Variants in ADAR observed in about 807,000 individuals in gnomAD.
The protein encoded by ADAR is adenosine deaminase RNA specific.
ADAR carries 41 observed loss-of-function variants against 113.2 expected under a neutral mutation model. The observed-to-expected ratio is 0.36, with a 90% CI of 0.28 to 0.47. ADAR has a LOEUF of 0.47. ADAR is among the 20% of genes least tolerant of loss of function. The pLI, the probability that ADAR is intolerant of heterozygous loss-of-function variation, is 1.00. For synonymous variants in ADAR, 605 were observed against 572.6 expected (o/e 1.06, Z -0.81); for missense variants, 1,242 against 1,540.9 (o/e 0.81, Z 3.25).
intron 1 of ADAR, among the ~76,000 whole-genome samples, chr1:154,607,542 A>C (rs1698274675): frequency 6.6e-6 from 1 of 151,004 alleles, no homozygotes; most frequent in South Asian, 2.1e-4. Flanking sequence ...AGGGGGTTCC[A>C]CAAGGGGCCC....
upstream of ADAR, chr1:154,608,213 C>T: frequency 1.7e-6 from 1 of 589,446 alleles, no homozygotes; most frequent in African/African-American, 2.0e-5. Flanking sequence ...CCTCGGAAAG[C>T]CTTCCCCTCC....
rs1305493428 is a variant in ADAR at position 154,585,785 on chromosome 1, G to A, written c.3283C>T (p.Leu1095=). Residue 1095 remains leucine (L), a synonymous_variant, in exon 13 of 15, where the codon CTA becomes TTA. Transcript: ENST00000368474. ...TRDGSAFEDG[L]RHPFIVNHPK... ...TGGTTGACAATAAAGGGATGTCGTA[G>A]TCCATCCTCAAATGCACTCCCATCT... 1.9e-6 allele frequency: 3 copies of A among 1,613,938 alleles called. No homozygotes were observed. Among genetic ancestry groups the A allele is most frequent in the African/African-American group, 2.7e-5 (2 of 75,050 alleles).
At chr1:154,585,512 C>CTGA in intron 13 of ADAR, 168 bp from the exon 14 acceptor site, 1 of 970,766 alleles carries the variant, frequency 1.0e-6, no homozygotes. Context: ...ATACTAACTC[C>CTGA]ACCTCGATTC....
rs1698324406 is a variant in ADAR at position 154,608,112 on chromosome 1, A to C, written c.-106T>G. The C allele has an allele frequency of 3.6e-6, 5 of 1,387,590 alleles. No individual in the cohort carries two copies. Among genetic ancestry groups the C allele is most frequent in the African/African-American group, 1.5e-5 (1 of 65,072 alleles). The allele number at this position is 1,387,590 out of a possible 1,614,324, so 86.0% of individuals were successfully genotyped here. A position where few individuals can be genotyped will look rare whatever the true frequency, so the allele number is the denominator to read the frequency against. The stretch of plus-strand genomic sequence containing the variant: ...GGCCCCCACGCCTCCGCTACTCCGC[A>C]CTGGAAGTGGCCCCGGGGCGTCGGC... On this transcript the variant is annotated 5_prime_UTR_variant, in exon 1 of 15. Coordinates refer to ENST00000368474, the MANE Select transcript of ADAR (RefSeq NM_001111.5).
intron 6 of ADAR, among the ~76,000 whole-genome samples, chr1:154,594,408 A>G (rs750811380): frequency 8.6e-5 from 13 of 152,000 alleles, no homozygotes; most frequent in African/African-American, 1.2e-4. Flanking sequence ...GACAATCTTC[A>G]CCTCTCCCCT....
chr1:154,596,227 A>T (rs1697485789), intron 6 of ADAR, among the ~76,000 whole-genome samples: 1 of 152,070 alleles, frequency 6.6e-6, no homozygotes, highest in South Asian at 2.1e-4. Flanking sequence ...CATTGAAATG[A>T]CTACTTTTTC....
chr1:154,607,139 C>A (rs1264469122), intron 1 of ADAR, among the ~76,000 whole-genome samples: 1 of 152,066 alleles, frequency 6.6e-6, no homozygotes, highest in East Asian at 1.9e-4. Flanking sequence ...CCCTGGCACC[C>A]ACGGATCCAC....
intron 1 of ADAR, among the ~76,000 whole-genome samples, chr1:154,604,536 G>T (rs1167909629): frequency 1.3e-5 from 2 of 152,136 alleles, no homozygotes; most frequent in Non-Finnish European, 2.9e-5. Context: ...ACCTCATTTG[G>T]GTCTTCGCTG....
intron 1 of ADAR, among the ~76,000 whole-genome samples, chr1:154,614,765 C>G (rs1698586354): frequency 6.6e-6 from 1 of 152,156 alleles, no homozygotes; most frequent in Non-Finnish European, 1.5e-5. Context: ...CTGCTGTCTC[C>G]CTGCTGCTGT....
At chr1:154,626,800 T>C (rs987679193) in intron 1 of ADAR, among the ~76,000 whole-genome samples, 2 of 152,252 alleles carry the variant, frequency 1.3e-5, no homozygotes, top group Non-Finnish European at 2.9e-5. Context: ...CCAAAGTTCA[T>C]GTCCCCTTTC....
chr1:154,589,007 G>C (rs1696948093), intron 9 of ADAR, among the ~76,000 whole-genome samples: 1 of 152,220 alleles, frequency 6.6e-6, no homozygotes, highest in Non-Finnish European at 1.5e-5. Flanking sequence ...AGAGGAGAAA[G>C]CTGGCAGGGG....
intron 2 of ADAR, chr1:154,600,781 C>A (rs1055959651): frequency 5.4e-6 from 3 of 559,280 alleles, no homozygotes; most frequent in Non-Finnish European, 9.5e-6. Context: ...CAAAACCAAT[C>A]ATTTCTAAAG....
At position 154,601,264 on chromosome 1, in the gene ADAR, G is replaced by C; in HGVS notation, c.1378C>G (p.Pro460Ala). The C allele has an allele frequency of 6.2e-7, 1 of 1,614,202 alleles. No individual in the cohort carries two copies. Among genetic ancestry groups the C allele is most frequent in the Non-Finnish European group, 8.5e-7 (1 of 1,180,034 alleles). The change falls in exon 2 of 15, where the codon CCA becomes GCA. Residue 460 changes from proline to alanine, a missense_variant. This residue lies in a region of ADAR where 780 missense variants were observed against 1,057.9 expected (regional missense o/e 0.74). Coordinates refer to ENST00000368474, the MANE Select transcript of ADAR (RefSeq NM_001111.5). The surrounding 1 kb of genome is among the most constrained non-coding windows in gnomAD (Gnocchi z 4.7). Reference protein sequence around the residue: ...ENGQWATDDIPDDLNSIRAAP... With the variant: ...ENGQWATDDIADDLNSIRAAP... ...GCGCGGATACTATTCAAGTCATCTG[G>C]GATGTCATCTGTGGCCCACTGGCCA...
intron 6 of ADAR, among the ~76,000 whole-genome samples, chr1:154,590,952 C>G (rs1697108760): frequency 6.6e-6 from 1 of 151,990 alleles, no homozygotes; most frequent in Non-Finnish European, 1.5e-5. Flanking sequence ...AGATCCCCAT[C>G]TCTAAAATAA....
At position 154,589,467 on chromosome 1, in the gene ADAR, G is replaced by A. The variant is rs1696977862; in HGVS notation, c.2669-5C>T. 6.2e-7 allele frequency: 1 copy of A among 1,609,514 alleles called. No individual in the cohort carries two copies. Among genetic ancestry groups the A allele is most frequent in the African/African-American group, 1.3e-5 (1 of 74,962 alleles). On this transcript the variant is annotated splice_region_variant and splice_polypyrimidine_tract_variant and intron_variant, in intron 8 of 14. Transcript: ENST00000368474. ...CTCCTTTCACACAGCGATTCCCTAG[G>A]AAGGTGTTTAAAACAGAAATAGAAT...
chr1:154,606,611 C>T (rs1698206093), intron 1 of ADAR, among the ~76,000 whole-genome samples: 1 of 152,056 alleles, frequency 6.6e-6, no homozygotes. Flanking sequence ...TTTTGCCCCC[C>T]TTAAATCCCC....
intron 6 of ADAR, 61 bp from the exon 7 acceptor site, chr1:154,590,470 G>A: frequency 6.4e-7 from 1 of 1,551,784 alleles, no homozygotes; most frequent in Middle Eastern, 1.7e-4. Context: ...TTCCAAGGAA[G>A]GGTTAGTTTT....
At chr1:154,585,621 T>TG (rs755848451) in intron 13 of ADAR, 132 bp downstream of exon 13, 4 of 922,506 alleles carry the variant, frequency 4.3e-6, no homozygotes, top group Non-Finnish European at 6.8e-6. Context: ...TGGGCCACTG[T>TG]GGGCAATGTT....
chr1:154,589,340 A>G, intron 9 of ADAR, 29 bp downstream of exon 9: 9 of 1,589,800 alleles, frequency 5.7e-6, no homozygotes, highest in Non-Finnish European at 7.8e-6. Context: ...ACAGCCGGGC[A>G]GCCGGGCCAC....
Sources: allele counts gnomAD v4.1 joint callset (sites outside exome capture counted in the v4.1 genomes callset), GRCh38; gene constraint gnomAD v4.1.1; regional missense constraint gnomAD v4.1.1; non-coding constraint Gnocchi (gnomAD v3.1); transcripts MANE v1.5; gene names NCBI Gene and HGNC (gene_info 2026-07-23, HGNC 2026-07-21).